The following VSTM1 variants were observed in gnomAD, a reference collection of about 807,000 sequenced individuals.
VSTM1 encodes the protein V-set and transmembrane domain containing 1.
Under a neutral mutation model 33.1 loss-of-function variants are expected in VSTM1, and 27 were observed. The observed-to-expected ratio is 0.82, with a 90% CI of 0.60 to 1.12. VSTM1 has a LOEUF of 1.12. VSTM1 is among the 50% of genes most tolerant of loss of function. The probability of loss-of-function intolerance (pLI) is 0.00; values close to 1 mark genes in which losing one functional copy is unlikely to be tolerated. For missense variants in VSTM1, 304 were observed against 288.9 expected (o/e 1.05, Z -0.38); for synonymous variants, 115 against 110.3 (o/e 1.04, Z -0.27).
chr19:54,058,100 CG>C (rs1247355817), intron 3 of VSTM1, among the ~76,000 whole-genome samples: 3 of 148,834 alleles, frequency 2.0e-5, no homozygotes, highest in Non-Finnish European at 4.5e-5. Flanking sequence ...ATTAGCTGGG[CG>C]TGGTGGCGGG....
At chr19:54,059,946 C>G (rs963743079) in intron 1 of VSTM1, among the ~76,000 whole-genome samples, 3 of 151,476 alleles carry the variant, frequency 2.0e-5, no homozygotes, top group South Asian at 2.1e-4. Context: ...CTCCCGGGTT[C>G]ACGCCATTCT....
chr19:54,059,777 T>C (rs2071295191), intron 1 of VSTM1, among the ~76,000 whole-genome samples: 1 of 146,852 alleles, frequency 6.8e-6, no homozygotes, highest in Admixed American at 6.8e-5. Flanking sequence ...CCCGGCCTGA[T>C]TGCAGTTTTA....
At chr19:54,045,934 AT>A (rs1414265607) in intron 4 of VSTM1, among the ~76,000 whole-genome samples, 1 of 152,080 alleles carries the variant, frequency 6.6e-6, no homozygotes, top group Non-Finnish European at 1.5e-5. Flanking sequence ...CTAGTTATCT[AT>A]CATCTAGCTA....
chr19:54,046,508 G>A (rs1343328161), intron 4 of VSTM1, among the ~76,000 whole-genome samples: 1 of 152,024 alleles, frequency 6.6e-6, no homozygotes, highest in Admixed American at 6.6e-5. Context: ...TGGGATTGTA[G>A]GTATAATGAT....
intron 1 of VSTM1, among the ~76,000 whole-genome samples, chr19:54,061,203 A>G (rs1339985967): frequency 2.6e-5 from 4 of 151,550 alleles, no homozygotes; most frequent in Admixed American, 2.6e-4. Context: ...TTTTTAGTAG[A>G]GACGGGGTTT....
intron 3 of VSTM1, among the ~76,000 whole-genome samples, chr19:54,057,740 C>T (rs1334637012): frequency 8.3e-5 from 12 of 144,802 alleles, no homozygotes; most frequent in African/African-American, 2.0e-4. Flanking sequence ...ACCCAGGAGG[C>T]GGGGGTTGCA....
chr19:54,052,372 TGA>T (rs1568467745), intron 3 of VSTM1, among the ~76,000 whole-genome samples: 2 of 140,162 alleles, frequency 1.4e-5, no homozygotes, highest in South Asian at 2.4e-4. Context: ...CACTCCAGCC[TGA>T]GGGACAGAGC....
At chr19:54,052,175 G>A (rs1477023632) in intron 3 of VSTM1, among the ~76,000 whole-genome samples, 3 of 151,450 alleles carry the variant, frequency 2.0e-5, no homozygotes, top group African/African-American at 4.8e-5. Context: ...GAGGCGGGCA[G>A]ATCACAAGGT....
At chr19:54,054,815 G>A (rs569694750) in intron 3 of VSTM1, among the ~76,000 whole-genome samples, 1 of 135,024 alleles carries the variant, frequency 7.4e-6, no homozygotes, top group African/African-American at 2.7e-5. Flanking sequence ...ATGAATGGAA[G>A]GGTTGGTGGT....
intron 4 of VSTM1, among the ~76,000 whole-genome samples, 162 bp downstream of exon 4, chr19:54,051,248 C>A (rs376972331): frequency 2.3e-4 from 35 of 152,074 alleles, no homozygotes; most frequent in Non-Finnish European, 4.4e-4. Flanking sequence ...GCTGAGATTG[C>A]GCCACTGTAC....
chr19:54,054,104 A>G (rs538583486), intron 3 of VSTM1, among the ~76,000 whole-genome samples: 1 of 142,130 alleles, frequency 7.0e-6, no homozygotes, highest in Non-Finnish European at 1.6e-5. Context: ...TAGTATAATA[A>G]AGTGATTTGC....
At chr19:54,045,789 A>G (rs2146054029) in intron 4 of VSTM1, among the ~76,000 whole-genome samples, 1 of 152,216 alleles carries the variant, frequency 6.6e-6, no homozygotes, top group East Asian at 1.9e-4. Flanking sequence ...CTGTATATCT[A>G]TCTATCTATC....
chr19:54,051,427 G>A lies in VSTM1; in HGVS notation c.377C>T (p.Ala126Val). ...VVTDKHDELE[A>V]PSMKTDTRTI... ...TATCTTACCTGTTTTCATTGAGGGAGCTTCAAGTTCATCGTGTTTATCTAG... is the reference window on the plus strand; with the variant it reads ...TATCTTACCTGTTTTCATTGAGGGAACTTCAAGTTCATCGTGTTTATCTAG... The change falls in exon 4 of 9, where the codon GCT (alanine) becomes GTT (valine). Residue 126 changes from alanine to valine, a missense_variant. Physicochemically the swap from Ala to Val is moderately conservative, Grantham distance 64. Coordinates refer to ENST00000338372, the MANE Select transcript of VSTM1 (RefSeq NM_198481.4). 1.3e-6 allele frequency: 2 copies of A among 1,595,680 alleles called. No homozygotes were observed. Among genetic ancestry groups the A allele is most frequent in the Non-Finnish European group, 1.7e-6 (2 of 1,174,606 alleles).
chr19:54,041,675 T>C, intron 8 of VSTM1, 104 bp downstream of exon 8: 1 of 1,260,730 alleles, frequency 7.9e-7, no homozygotes, highest in Non-Finnish European at 1.1e-6. Flanking sequence ...ACCACATGCG[T>C]GATAAACAGT....
intron 3 of VSTM1, among the ~76,000 whole-genome samples, chr19:54,052,233 C>G (rs1271891589): frequency 2.0e-5 from 3 of 150,458 alleles, no homozygotes; most frequent in African/African-American, 7.3e-5. Flanking sequence ...CCCGTCTCTA[C>G]TAAAAATACA....
intron 3 of VSTM1, among the ~76,000 whole-genome samples, chr19:54,056,165 G>A (rs1357934881): frequency 2.3e-5 from 3 of 131,024 alleles, no homozygotes; most frequent in Non-Finnish European, 4.9e-5. Context: ...ACACCCCAAA[G>A]CCAATTCTTT....
chr19:54,060,599 C>A (rs1221724232), intron 1 of VSTM1, among the ~76,000 whole-genome samples: 2 of 152,178 alleles, frequency 1.3e-5, no homozygotes, highest in African/African-American at 2.4e-5. Context: ...AGGACTCAGG[C>A]TCTGTTTTGA....
At chr19:54,051,318 C>A (rs1600135655) in intron 4 of VSTM1, 92 bp downstream of exon 4, 2 of 1,120,946 alleles carry the variant, frequency 1.8e-6, no homozygotes, top group African/African-American at 1.6e-5. Flanking sequence ...AACAAACAAA[C>A]AAATAAATAA....
At chr19:54,056,616 A>G (rs1469560264) in intron 3 of VSTM1, among the ~76,000 whole-genome samples, 2 of 139,240 alleles carry the variant, frequency 1.4e-5, no homozygotes, top group Admixed American at 7.4e-5. Flanking sequence ...GTGCTTCCCC[A>G]CATACTCCCC....
Sources: allele counts gnomAD v4.1 joint callset (sites outside exome capture counted in the v4.1 genomes callset), GRCh38; gene constraint gnomAD v4.1.1; transcripts MANE v1.5; gene names NCBI Gene and HGNC (gene_info 2026-07-23, HGNC 2026-07-21).